CLVS1: variants seen among roughly 807,000 people sequenced by gnomAD.
The protein encoded by CLVS1 is clavesin-1.
CLVS1 carries 10 observed loss-of-function variants against 33.1 expected under a neutral mutation model. The ratio of observed to expected loss-of-function variants is 0.30; its 90% CI spans 0.19 to 0.51. The LOEUF is 0.51. Ranked by LOEUF, CLVS1 falls within the 20% of genes least tolerant of loss-of-function variation. The pLI is 0.97. For missense variants in CLVS1, 343 were observed against 433.4 expected (o/e 0.79, Z 1.85); for synonymous variants, 163 against 166.1 (o/e 0.98, Z 0.14).
At chr8:61,028,369 C>T in the CLVS1 span, among the ~76,000 whole-genome samples, 6 of 152,278 alleles carry the variant, frequency 3.9e-5, no homozygotes, top group East Asian at 3.9e-4. Flanking sequence ...CTGAATCATA[C>T]GGTAATTCTT....
At chr8:61,076,530 G>T (rs1288121846) in intron 1 of CLVS1, among the ~76,000 whole-genome samples, 1 of 152,196 alleles carries the variant, frequency 6.6e-6, no homozygotes, top group Non-Finnish European at 1.5e-5. Context: ...AGGATCAAAA[G>T]TCAGGCAAAG....
intron 2 of CLVS1, among the ~76,000 whole-genome samples, chr8:61,206,593 T>TC (rs200400761): frequency 1.3e-5 from 1 of 74,810 alleles, no homozygotes; most frequent in Admixed American, 1.5e-4. Flanking sequence ...TTTCTTTCTT[T>TC]TTTTTTTTTT....
At chr8:61,248,807 C>T (rs1362927738) in intron 2 of CLVS1, among the ~76,000 whole-genome samples, 1 of 152,042 alleles carries the variant, frequency 6.6e-6, no homozygotes, top group African/African-American at 2.4e-5. Flanking sequence ...AACCCACAAC[C>T]TGCTGTAGGA....
chr8:61,363,806 G>A (rs2129600228), intron 2 of CLVS1, among the ~76,000 whole-genome samples: 1 of 152,334 alleles, frequency 6.6e-6, no homozygotes, highest in Middle Eastern at 3.4e-3. Context: ...GTCCAATAGA[G>A]CTCTCAGCCC....
the CLVS1 span, among the ~76,000 whole-genome samples, chr8:61,013,905 C>T: frequency 6.6e-6 from 1 of 152,200 alleles, no homozygotes; most frequent in African/African-American, 2.4e-5. Context: ...CGAGCTGAAG[C>T]TTGGCTCTTG....
At chr8:61,206,903 T>A (rs2129306347) in intron 2 of CLVS1, among the ~76,000 whole-genome samples, 1 of 152,338 alleles carries the variant, frequency 6.6e-6, no homozygotes, top group South Asian at 2.1e-4. Flanking sequence ...CTAATTTTCA[T>A]TAATTATTGA....
intron 1 of CLVS1, among the ~76,000 whole-genome samples, chr8:61,064,529 CT>C (rs1804639714): frequency 2.8e-5 from 4 of 142,624 alleles, no homozygotes; most frequent in South Asian, 4.5e-4. Flanking sequence ...TATTCAAGTT[CT>C]TTGCCCATTT....
intron 2 of CLVS1, among the ~76,000 whole-genome samples, chr8:61,247,211 G>T (rs4471031): frequency 6.6e-6 from 1 of 152,194 alleles, no homozygotes; most frequent in Non-Finnish European, 1.5e-5. Flanking sequence ...TGAGCATTTA[G>T]GTTGATTCCA....
chr8:61,267,430 A>C (rs1340617303), intron 2 of CLVS1, among the ~76,000 whole-genome samples: 1 of 152,200 alleles, frequency 6.6e-6, no homozygotes, highest in Non-Finnish European at 1.5e-5. Context: ...CTCCATCTCC[A>C]ATACATACAC....
intron 3 of CLVS1, among the ~76,000 whole-genome samples, chr8:61,408,058 C>T (rs550421317): frequency 1.1e-4 from 17 of 152,204 alleles, no homozygotes; most frequent in African/African-American, 3.4e-4. Flanking sequence ...AGTCAGACAC[C>T]GGTCCAGGCA....
At chr8:61,459,562 A>G (rs1415418932) in intron 5 of CLVS1, among the ~76,000 whole-genome samples, 5 of 147,788 alleles carry the variant, frequency 3.4e-5, no homozygotes. Context: ...GCATCCTTAT[A>G]GCTTAGCTCA....
chr8:61,262,658 T>G (rs1001062608), intron 2 of CLVS1, among the ~76,000 whole-genome samples: 2 of 152,186 alleles, frequency 1.3e-5, no homozygotes, highest in African/African-American at 4.8e-5. Flanking sequence ...TTAGGCATCC[T>G]CCCTCTGCTG....
chr8:61,019,216 C>G, the CLVS1 span, among the ~76,000 whole-genome samples: 2 of 152,226 alleles, frequency 1.3e-5, no homozygotes, highest in Non-Finnish European at 2.9e-5. Context: ...GTCGTCTTCT[C>G]CCATCGTAAA....
chr8:60,981,448 T>C, the CLVS1 span, among the ~76,000 whole-genome samples: 1 of 152,234 alleles, frequency 6.6e-6, no homozygotes, highest in African/African-American at 2.4e-5. Flanking sequence ...GCTGCTCAGC[T>C]TGACTCAGCA....
chr8:60,966,178 C>A, the CLVS1 span: 1 of 328,488 alleles, frequency 3.0e-6, no homozygotes, highest in Non-Finnish European at 6.1e-6. Context: ...AGGTAGAGGA[C>A]CTTTGGAGAT....
chr8:61,297,427 G>A (rs1246887202), intron 1 of CLVS1, among the ~76,000 whole-genome samples: 3 of 152,150 alleles, frequency 2.0e-5, no homozygotes, highest in Non-Finnish European at 4.4e-5. Flanking sequence ...TTATGGAAGT[G>A]ATTGCCTGAT....
chr8:61,468,733 A>AG (rs1817640005), intron 5 of CLVS1, among the ~76,000 whole-genome samples: 1 of 150,588 alleles, frequency 6.6e-6, no homozygotes, highest in Non-Finnish European at 1.5e-5. Flanking sequence ...AAAAAAAAAA[A>AG]AAAAAAGGTA....
At chr8:61,487,816 T>G (rs554805233) in intron 5 of CLVS1, among the ~76,000 whole-genome samples, 5 of 152,354 alleles carry the variant, frequency 3.3e-5, no homozygotes, top group African/African-American at 1.2e-4. Flanking sequence ...AACCTACTTT[T>G]TACCGGTAAC....
chr8:61,378,909 A>G (rs982046236), intron 3 of CLVS1, among the ~76,000 whole-genome samples: 1 of 152,200 alleles, frequency 6.6e-6, no homozygotes, highest in Non-Finnish European at 1.5e-5. Context: ...GGTACTAAGC[A>G]GAGTTCATTC....
Sources: allele counts gnomAD v4.1 joint callset (sites outside exome capture counted in the v4.1 genomes callset), GRCh38; gene constraint gnomAD v4.1.1; transcripts MANE v1.5; gene names NCBI Gene and HGNC (gene_info 2026-07-23, HGNC 2026-07-21).